PTPRK: variants seen among roughly 807,000 people sequenced by gnomAD.
PTPRK encodes protein tyrosine phosphatase receptor type K.
A neutral mutation model predicts 178.0 loss-of-function variants in PTPRK; 75 were observed. The ratio of observed to expected loss-of-function variants is 0.42; its 90% confidence interval spans 0.35 to 0.51. The LOEUF (loss-of-function observed/expected upper bound fraction) is 0.51. Ranked by LOEUF, PTPRK falls within the 20% of genes least tolerant of loss-of-function variation. The pLI is 0.02. For synonymous variants in PTPRK, 637 were observed against 620.6 expected (o/e 1.03, Z -0.39); for missense variants, 1,441 against 1,797.8 (o/e 0.80, Z 3.59).
At chr6:128,388,381 G>T (rs1839070089) in intron 2 of PTPRK, among the ~76,000 whole-genome samples, 1 of 152,092 alleles carries the variant, frequency 6.6e-6, no homozygotes, top group East Asian at 1.9e-4. Context: ...GAAAAAATCT[G>T]AATTATTGAT....
rs560566869 is a variant in PTPRK, at chr6:128,180,551, A to C, written c.1162+3881T>G. On this transcript the variant is annotated intron_variant, in intron 7 of 29. Coordinates refer to ENST00000368226, the MANE Select transcript of PTPRK (RefSeq NM_002844.4). ...ACCTCTCCTAAGTCAGAGACCCTGA[A>C]GCAACTAATTGCAGTTACCAAATGA... 2.6e-5 allele frequency among the ~76,000 whole-genome samples: 4 copies of C among 152,174 alleles called. No homozygotes were observed. The East Asian group carries it at 7.7e-4, about 29-fold the overall frequency.
At chr6:128,362,145 T>C (rs1435341866) in intron 2 of PTPRK, among the ~76,000 whole-genome samples, 1 of 152,196 alleles carries the variant, frequency 6.6e-6, no homozygotes, top group Non-Finnish European at 1.5e-5. Flanking sequence ...GTGCTGAGCA[T>C]GTCTGCTGGG....
chr6:128,391,336 C>A (rs1167205277), intron 2 of PTPRK, among the ~76,000 whole-genome samples: 2 of 152,112 alleles, frequency 1.3e-5, no homozygotes, highest in Non-Finnish European at 2.9e-5. Flanking sequence ...CTTAGGACAA[C>A]TGCACATGTT....
chr6:127,989,095 C>A (rs1481237646), intron 21 of PTPRK, among the ~76,000 whole-genome samples: 7 of 151,996 alleles, frequency 4.6e-5, no homozygotes, highest in Non-Finnish European at 8.8e-5. Context: ...GTCATCATTG[C>A]TTTCTATTGG....
intron 2 of PTPRK, among the ~76,000 whole-genome samples, chr6:128,369,365 G>A (rs1327087562): frequency 6.6e-6 from 1 of 151,910 alleles, no homozygotes; most frequent in Non-Finnish European, 1.5e-5. Flanking sequence ...TCAGATATAA[G>A]AACAATATAG....
intron 13 of PTPRK, among the ~76,000 whole-genome samples, chr6:128,015,272 T>C (rs921938561): frequency 1.3e-5 from 2 of 151,762 alleles, no homozygotes; most frequent in African/African-American, 2.4e-5. Flanking sequence ...AAGTAAAATA[T>C]TATTTTGTTT....
At chr6:128,188,130 A>G (rs1803096025) in intron 6 of PTPRK, among the ~76,000 whole-genome samples, 1 of 152,164 alleles carries the variant, frequency 6.6e-6, no homozygotes, top group African/African-American at 2.4e-5. Context: ...AATCCCCAAA[A>G]TATAAGATAA....
intron 2 of PTPRK, among the ~76,000 whole-genome samples, chr6:128,354,231 G>GTATTTTTTTT (rs1833609279): frequency 2.0e-5 from 1 of 49,358 alleles, no homozygotes; most frequent in African/African-American, 9.4e-5. Context: ...TTTTGTTTAT[G>GTATTTTTTTT]TTTTTTTTTT....
intron 7 of PTPRK, among the ~76,000 whole-genome samples, chr6:128,115,122 G>C (rs866175677): frequency 2.3e-4 from 35 of 151,966 alleles, no homozygotes; most frequent in African/African-American, 8.2e-4. Flanking sequence ...TGGCATTCTG[G>C]CCAACTTCCA....
intron 7 of PTPRK, among the ~76,000 whole-genome samples, chr6:128,110,238 T>G (rs1790422829): frequency 6.6e-6 from 1 of 152,062 alleles, no homozygotes; most frequent in African/African-American, 2.4e-5. Context: ...AACACTACTT[T>G]TGAGTTGGCC....
chr6:128,322,345 A>T (rs1301456280), intron 2 of PTPRK, 35 bp from the exon 3 acceptor site: 3 of 1,506,730 alleles, frequency 2.0e-6, no homozygotes, highest in Non-Finnish European at 1.8e-6. Flanking sequence ...TGCTAAAGAG[A>T]TATATAAGCA....
chr6:128,496,289 C>T (rs563216855), intron 1 of PTPRK, among the ~76,000 whole-genome samples: 1 of 152,156 alleles, frequency 6.6e-6, no homozygotes, highest in Non-Finnish European at 1.5e-5. Flanking sequence ...TTCCCTAAAT[C>T]TTAAGGCAGA....
chr6:128,502,112 A>G (rs1855644505), intron 1 of PTPRK, among the ~76,000 whole-genome samples: 1 of 152,218 alleles, frequency 6.6e-6, no homozygotes. Context: ...AAAACCCACT[A>G]CCTACTGTGT....
At position 128,080,091 on chromosome 6, in the gene PTPRK, T is replaced by G. The variant is rs1026888376; in HGVS notation, c.1778-1173A>C. Among the ~76,000 whole-genome samples the G allele has an allele frequency of 2.6e-5, 4 of 151,878 alleles. No homozygotes were observed. In the South Asian group the frequency reaches 8.3e-4, roughly 32 times the overall value. On this transcript the variant is annotated intron_variant, in intron 10 of 29. Coordinates refer to ENST00000368226, the MANE Select transcript of PTPRK (RefSeq NM_002844.4). ...AAACCAGAAGGCTCAGGGTGTCTAA[T>G]GATGTTTAAGCCAAATATTAAAAAA... is the stretch of plus-strand genomic sequence containing the variant.
intron 1 of PTPRK, among the ~76,000 whole-genome samples, chr6:128,518,374 G>A (rs989921938): frequency 2.6e-5 from 4 of 152,204 alleles, no homozygotes; most frequent in Non-Finnish European, 5.9e-5. Context: ...TTCAGCTGGA[G>A]GAAAAGTAGT....
intron 1 of PTPRK, among the ~76,000 whole-genome samples, chr6:128,486,424 GA>G (rs1852895748): frequency 6.6e-6 from 1 of 152,014 alleles, no homozygotes. Context: ...CAAACATAAA[GA>G]AAAAGTTTAG....
chr6:127,994,620 C>T (rs747067571), intron 18 of PTPRK, among the ~76,000 whole-genome samples: 3 of 151,668 alleles, frequency 2.0e-5, no homozygotes, highest in African/African-American at 4.8e-5. Flanking sequence ...ATATATTGCC[C>T]TTTAAGAATA....
intron 3 of PTPRK, among the ~76,000 whole-genome samples, chr6:128,277,875 AATTTGCT>A (rs1229570784): frequency 6.6e-6 from 1 of 150,948 alleles, no homozygotes; most frequent in Non-Finnish European, 1.5e-5. Context: ...TGAATAATCT[AATTTGCT>A]ATTTGCTAAT....
chr6:127,976,539 G>A, intron 27 of PTPRK, 118 bp downstream of exon 27: 1 of 1,209,818 alleles, frequency 8.3e-7, no homozygotes, highest in Non-Finnish European at 1.2e-6. Context: ...CTAGCTTTGA[G>A]GTGGATGATA....
Sources: gnomAD v4.1 joint callset for allele counts (sites outside exome capture counted in the v4.1 genomes callset) on GRCh38, gnomAD v4.1.1 for gene constraint, MANE v1.5 for transcripts, NCBI Gene and HGNC (gene_info 2026-07-23, HGNC 2026-07-21) for gene names.